The following KPNA1 variants were observed in gnomAD, a reference collection of about 807,000 sequenced individuals.
KPNA1 encodes importin subunit alpha-5.
KPNA1 carries 10 observed loss-of-function variants against 70.5 expected under a neutral mutation model. That is an observed-to-expected ratio of 0.14 (90% CI 0.09 to 0.24). The LOEUF is 0.24. Ranked by LOEUF, KPNA1 falls within the 10% of genes least tolerant of loss-of-function variation. The pLI is 1.00. For synonymous variants in KPNA1, 192 were observed against 221.9 expected (o/e 0.87, Z 1.20); for missense variants, 397 against 637.9 (o/e 0.62, Z 4.07).
intron 8 of KPNA1, among the ~76,000 whole-genome samples, chr3:122,451,249 A>G (rs1472121139): frequency 1.3e-5 from 2 of 152,178 alleles, no homozygotes; most frequent in African/African-American, 4.8e-5. Context: ...CAGTATACTA[A>G]TTGTATGAAG....
At chr3:122,496,729 G>C in intron 1 of KPNA1, 159 bp from the exon 2 acceptor site, 2 of 562,372 alleles carry the variant, frequency 3.6e-6, no homozygotes, top group Non-Finnish European at 6.2e-6. Flanking sequence ...TTGAGACAAG[G>C]TCTTGCTCTG....
intron 5 of KPNA1, chr3:122,459,756 G>A (rs76919727): frequency 0.016 from 15,908 of 985,382 alleles, 169 homozygotes; most frequent in Non-Finnish European, 0.018. Flanking sequence ...AAACTGATGT[G>A]ACATTGAAGT....
chr3:122,463,055 T>C (rs1004143084), intron 4 of KPNA1, among the ~76,000 whole-genome samples: 1 of 151,590 alleles, frequency 6.6e-6, no homozygotes, highest in African/African-American at 2.4e-5. Flanking sequence ...CTATCTCTAC[T>C]AAAAATACAA....
chr3:122,441,197 C>T (rs574056207), intron 10 of KPNA1, among the ~76,000 whole-genome samples: 3 of 152,152 alleles, frequency 2.0e-5, no homozygotes, highest in Admixed American at 2.0e-4. Flanking sequence ...AATAAATGGT[C>T]GATGAGGCAG....
Position 122,427,521 on chromosome 3 carries a change from C to T in KPNA1, c.1429+17G>A, listed in dbSNP as rs919865038. 4.4e-6 allele frequency: 7 copies of T among 1,603,678 alleles called. No homozygotes were observed. The highest frequency in any genetic ancestry group is 2.2e-5 in the East Asian group (1 of 44,762). On this transcript the variant is annotated intron_variant, in intron 13 of 13. Coordinates refer to ENST00000344337, the MANE Select transcript of KPNA1 (RefSeq NM_002264.4). ...ATTCATTCTTGGCCATAAACTTCTTCAACCAAAGCATCTTACCATAAGCTT... is the reference window on the plus strand; with the variant it reads ...ATTCATTCTTGGCCATAAACTTCTTTAACCAAAGCATCTTACCATAAGCTT...
At chr3:122,440,284 C>T (rs148800528) in intron 10 of KPNA1, among the ~76,000 whole-genome samples, 202 of 151,866 alleles carry the variant, frequency 1.3e-3, no homozygotes, top group African/African-American at 4.8e-3. Flanking sequence ...CAGGGCTTCT[C>T]AGAGAAAATA....
intron 1 of KPNA1, among the ~76,000 whole-genome samples, chr3:122,503,009 C>T (rs929555239): frequency 6.6e-6 from 1 of 151,816 alleles, no homozygotes; most frequent in Non-Finnish European, 1.5e-5. Flanking sequence ...GAGATGGGAG[C>T]ATCACTTGAG....
At chr3:122,503,339 T>C (rs377202901) in intron 1 of KPNA1, among the ~76,000 whole-genome samples, 13 of 152,302 alleles carry the variant, frequency 8.5e-5, no homozygotes, top group Admixed American at 4.6e-4. Context: ...TGAAGGCATA[T>C]AGGAAGTCTC....
At chr3:122,512,866 G>C (rs2076970259) in intron 1 of KPNA1, among the ~76,000 whole-genome samples, 1 of 152,218 alleles carries the variant, frequency 6.6e-6, no homozygotes, top group African/African-American at 2.4e-5. Context: ...TATGTTGTCT[G>C]CTTCCATTTG....
At position 122,433,649 on chromosome 3, in the gene KPNA1, ATTGGT is replaced by A. The variant is rs1214483153; in HGVS notation, c.1250+7_1250+11del. The A allele has an allele frequency of 1.7e-5, 27 of 1,581,732 alleles. No homozygotes were observed. Among genetic ancestry groups the A allele is most frequent in the Non-Finnish European group, 2.3e-5 (27 of 1,168,870 alleles). On this transcript the variant is annotated splice_region_variant and intron_variant, in intron 12 of 13. Transcript: ENST00000344337. Reference sequence around the variant, plus strand: ...TCTTTAACTTACAATATGCTGCCTGATTGGTACTTACTTGATCTGTTCAGCTGATC... The same window carrying A: ...TCTTTAACTTACAATATGCTGCCTGAACTTACTTGATCTGTTCAGCTGATC...
intron 10 of KPNA1, among the ~76,000 whole-genome samples, chr3:122,440,917 TTAAAG>T (rs1425845710): frequency 6.6e-6 from 1 of 152,142 alleles, no homozygotes; most frequent in Non-Finnish European, 1.5e-5. Context: ...CAGAATATAT[TTAAAG>T]TAAATACATT....
chr3:122,441,107 T>C (rs2076056417), intron 10 of KPNA1, among the ~76,000 whole-genome samples: 2 of 152,002 alleles, frequency 1.3e-5, no homozygotes, highest in African/African-American at 4.8e-5. Flanking sequence ...ATAAATAAGA[T>C]CTATGAATGA....
intron 1 of KPNA1, among the ~76,000 whole-genome samples, chr3:122,506,939 T>C (rs2076896651): frequency 6.6e-6 from 1 of 152,126 alleles, no homozygotes; most frequent in Admixed American, 6.5e-5. Context: ...ACAAAACTAG[T>C]AGTATGTGTA....
rs1287374451 is a variant in KPNA1, at chr3:122,425,075, T to TGCGCCATCAAA, written c.*1909_*1910insTTTGATGGCGC. On this transcript the variant is annotated 3_prime_UTR_variant, in exon 14 of 14. Coordinates refer to ENST00000344337, the MANE Select transcript of KPNA1 (RefSeq NM_002264.4). The stretch of plus-strand genomic sequence containing the variant: ...GGGAGTTGACTAGTTTTGCAGTGGC[T>TGCGCCATCAAA]GCGCCATCAATAACAAACAGACATC... 6.6e-6 allele frequency: 1 copy of TGCGCCATCAAA among 152,502 alleles called. No homozygotes were observed. Among genetic ancestry groups the TGCGCCATCAAA allele is most frequent in the African/African-American group, 2.4e-5 (1 of 41,472 alleles). The allele number at this position is 152,502 out of a possible 1,614,324, so 9.4% of individuals were successfully genotyped here. A position where few individuals can be genotyped will look rare whatever the true frequency, so the allele number is the denominator to read the frequency against.
intron 2 of KPNA1, among the ~76,000 whole-genome samples, chr3:122,479,991 G>A (rs772203526): frequency 1.3e-5 from 2 of 152,096 alleles, no homozygotes; most frequent in Non-Finnish European, 2.9e-5. Flanking sequence ...AAAAAGAAAT[G>A]AGCTATGAAG....
chr3:122,512,488 G>A (rs1471668686), intron 1 of KPNA1, among the ~76,000 whole-genome samples: 1 of 152,238 alleles, frequency 6.6e-6, no homozygotes, highest in African/African-American at 2.4e-5. Flanking sequence ...TCGGGAGGCC[G>A]AGGAGGGCGG....
At chr3:122,433,586 G>A in intron 12 of KPNA1, 75 bp downstream of exon 12, 2 of 1,230,554 alleles carry the variant, frequency 1.6e-6, no homozygotes, top group South Asian at 1.7e-5. Context: ...TAGGTAATAT[G>A]TGGGAGGTTA....
At chr3:122,500,559 A>C (rs992158351) in intron 1 of KPNA1, among the ~76,000 whole-genome samples, 2 of 151,798 alleles carry the variant, frequency 1.3e-5, no homozygotes, top group Non-Finnish European at 1.5e-5. Context: ...GTACAGTGGC[A>C]CAATCATGGC....
chr3:122,513,057 G>C (rs954048738), intron 1 of KPNA1, among the ~76,000 whole-genome samples: 10 of 152,236 alleles, frequency 6.6e-5, no homozygotes, highest in Non-Finnish European at 4.4e-5. Flanking sequence ...AGATCACTCT[G>C]TAAGTATTCG....
Sources: gnomAD v4.1 joint callset for allele counts (sites outside exome capture counted in the v4.1 genomes callset) on GRCh38, gnomAD v4.1.1 for gene constraint, MANE v1.5 for transcripts, NCBI Gene and HGNC (gene_info 2026-07-23, HGNC 2026-07-21) for gene names.